SUGT1: variants seen among roughly 807,000 people sequenced by gnomAD.
SUGT1 encodes the protein SGT1 assembly cochaperone of MIS12 kinetochore complex.
In SUGT1, 15 loss-of-function variants were observed where a neutral mutation model predicts 56.1. That is an observed-to-expected ratio of 0.27 (90% CI 0.18 to 0.41). The LOEUF is 0.41. Among genes scored for constraint, SUGT1 ranks in the 10% least tolerant of loss-of-function variants. The probability of loss-of-function intolerance (pLI) is 1.00; values close to 1 mark genes in which losing one functional copy is unlikely to be tolerated. For synonymous variants in SUGT1, 123 were observed against 128.6 expected (o/e 0.96, Z 0.30); for missense variants, 347 against 382.2 (o/e 0.91, Z 0.77).
chr13:52,659,833 T>A (rs867596665), intron 5 of SUGT1, among the ~76,000 whole-genome samples: 19,006 of 88,048 alleles, frequency 0.22, 1,772 homozygotes, highest in African/African-American at 0.24. Flanking sequence ...TTTTTTTTTT[T>A]TTTTTTTTTT....
At chr13:52,674,665 T>C (rs935770857) in intron 10 of SUGT1, among the ~76,000 whole-genome samples, 3 of 152,186 alleles carry the variant, frequency 2.0e-5, no homozygotes, top group Non-Finnish European at 4.4e-5. Context: ...AAGTCTGCCT[T>C]TTGATTTTTT....
rs991641076 is a variant in SUGT1, at chr13:52,690,003, C to T, written c.*2168C>T. On this transcript the variant is annotated 3_prime_UTR_variant, in exon 13 of 13. Coordinates refer to ENST00000310528, the MANE Select transcript of SUGT1 (RefSeq NM_006704.5). ...TTAAAAAAAAAAAATCTGGTACTAT[C>T]TTTAGTTGGTTTTAAAGGATATATT... 1.3e-5 allele frequency: 2 copies of T among 151,746 alleles called. 1 individual carries two copies. Among genetic ancestry groups the T allele is most frequent in the East Asian group, 3.9e-4 (2 of 5,186 alleles). The allele number at this position is 151,746 out of a possible 1,614,324, so 9.4% of individuals were successfully genotyped here.
rs1031124398 is a variant in SUGT1, at chr13:52,692,391, ATT to A, written c.*4557_*4558del. The A allele has an allele frequency of 5.4e-5, 8 of 149,022 alleles. No individual in the cohort carries two copies. The highest frequency in any genetic ancestry group is 4.8e-4 in the Admixed American group (7 of 14,522). 9.2% of individuals were successfully genotyped at this position (149,022 alleles called of 1,614,324 possible). ...GCTGACTGGAAATGAAGCAGAGAATATTCAAGTTAAAGAACTAATTCTTTTTT... is the reference window on the plus strand; with the variant it reads ...GCTGACTGGAAATGAAGCAGAGAATACAAGTTAAAGAACTAATTCTTTTTT... On this transcript the variant is annotated 3_prime_UTR_variant, in exon 13 of 13. Coordinates refer to ENST00000310528, the MANE Select transcript of SUGT1 (RefSeq NM_006704.5).
chr13:52,680,190 G>A (rs199585023), intron 12 of SUGT1, 35 bp downstream of exon 12: 1 of 1,518,280 alleles, frequency 6.6e-7, no homozygotes, highest in East Asian at 2.5e-5. Flanking sequence ...ATATATGGGA[G>A]CAAATTTTAC....
Position 52,679,957 on chromosome 13 carries a change from C to CT in SUGT1, c.719-10dup, listed in dbSNP as rs768578715. The CT allele has an allele frequency of 2.9e-5, 46 of 1,565,750 alleles. 1 individual carries two copies. The African/African-American group carries it at 4.5e-4, about 15-fold the overall frequency. On this transcript the variant is annotated splice_polypyrimidine_tract_variant and intron_variant, in intron 11 of 12. Coordinates refer to ENST00000310528, the MANE Select transcript of SUGT1 (RefSeq NM_006704.5). ...AAACATGTTGATTAATTACTTCTGCCTTTTTTTACTTCATAGATGTAAAGA... is the reference window on the plus strand; with the variant it reads ...AAACATGTTGATTAATTACTTCTGCCTTTTTTTTACTTCATAGATGTAAAGA...
chr13:52,654,998 T>A (rs1305979528), intron 2 of SUGT1, among the ~76,000 whole-genome samples: 1 of 152,242 alleles, frequency 6.6e-6, no homozygotes, highest in Non-Finnish European at 1.5e-5. Context: ...TATTAGTACC[T>A]TGGTTTTTAA....
chr13:52,653,017 C>G lies in SUGT1; in HGVS notation c.39-29C>G, dbSNP rs775500935. On this transcript the variant is annotated intron_variant, in intron 1 of 12. Transcript: ENST00000310528. Reference sequence around the variant, plus strand: ...TATCCCCCTTTCCTTGGCTAGTGAGCCCTGCTGAAGTCGTTGTTTTCCTGA... The same window carrying G: ...TATCCCCCTTTCCTTGGCTAGTGAGGCCTGCTGAAGTCGTTGTTTTCCTGA... 6 of 1,614,056 alleles carry G rather than the reference C, an allele frequency of 3.7e-6. No individual in the cohort carries two copies. In the African/African-American group the frequency reaches 6.7e-5, roughly 18 times the overall value.
In SUGT1 at chr13:52,699,575, AGTAAC is replaced by A. The variant is rs995273935; in HGVS notation, c.*11741_*11745del. ...CTGCTTAATTTTTTGGAGTTACCTC[AGTAAC>A]TTAACAGGCAGGAATATGGTTTTAA... On this transcript the variant is annotated 3_prime_UTR_variant, in exon 13 of 13. Coordinates refer to ENST00000310528, the MANE Select transcript of SUGT1 (RefSeq NM_006704.5). 2.0e-5 allele frequency: 3 copies of A among 152,222 alleles called. No individual in the cohort carries two copies. The highest frequency in any genetic ancestry group is 2.9e-5 in the Non-Finnish European group (2 of 68,032). The allele number at this position is 152,222 out of a possible 1,614,324, so 9.4% of individuals were successfully genotyped here. A position where few individuals can be genotyped will look rare whatever the true frequency, so the allele number is the denominator to read the frequency against.
At chr13:52,678,275 T>C (rs1223272898) in intron 11 of SUGT1, among the ~76,000 whole-genome samples, 3 of 152,150 alleles carry the variant, frequency 2.0e-5, no homozygotes, top group African/African-American at 4.8e-5. Flanking sequence ...AACAATATAT[T>C]TGGCCCTGAA....
Position 52,688,422 on chromosome 13 carries a change from C to G in SUGT1, c.*587C>G, listed in dbSNP as rs1010464970. 2 of 152,120 alleles carry G rather than the reference C, an allele frequency of 1.3e-5. No individual in the cohort carries two copies. Among genetic ancestry groups the G allele is most frequent in the East Asian group, 3.9e-4 (2 of 5,192 alleles). The allele number at this position is 152,120 out of a possible 1,614,324, so 9.4% of individuals were successfully genotyped here. On this transcript the variant is annotated 3_prime_UTR_variant, in exon 13 of 13. Coordinates refer to ENST00000310528, the MANE Select transcript of SUGT1 (RefSeq NM_006704.5). ...TTTAATTGCACTGAGATATTTTGGT[C>G]GTTACCTTGCAAGTTTCTGTATAAA...
intron 7 of SUGT1, 128 bp downstream of exon 7, chr13:52,663,240 T>G: frequency 1.1e-6 from 1 of 880,662 alleles, no homozygotes; most frequent in Non-Finnish European, 1.7e-6. Context: ...TAAGTGCTGG[T>G]TCCTCTAGGC....
intron 5 of SUGT1, 27 bp from the exon 6 acceptor site, chr13:52,662,622 A>T: frequency 6.2e-7 from 1 of 1,611,946 alleles, no homozygotes; most frequent in Non-Finnish European, 8.5e-7. Context: ...CAGATGAGTG[A>T]TGTTATAGTC....
chr13:52,684,490 C>A (rs1255645912), intron 12 of SUGT1, among the ~76,000 whole-genome samples: 2 of 144,632 alleles, frequency 1.4e-5, no homozygotes, highest in Non-Finnish European at 3.0e-5. Context: ...GCATTTTGTT[C>A]TTACTTTTCT....
At position 52,694,656 on chromosome 13, in the gene SUGT1, A is replaced by G. The variant is rs1356652729; in HGVS notation, c.*6821A>G. ...AACCACAGATTGTCTTGTTATTCCC[A>G]TCAGTGAAAAGAAGCTGATATTTGT... On this transcript the variant is annotated 3_prime_UTR_variant, in exon 13 of 13. Coordinates refer to ENST00000310528, the MANE Select transcript of SUGT1 (RefSeq NM_006704.5). 6.6e-6 allele frequency: 1 copy of G among 152,218 alleles called. No individual in the cohort carries two copies. Among genetic ancestry groups the G allele is most frequent in the African/African-American group, 2.4e-5 (1 of 41,450 alleles). The allele number at this position is 152,218 out of a possible 1,614,324, so 9.4% of individuals were successfully genotyped here. A position where few individuals can be genotyped will look rare whatever the true frequency, so the allele number is the denominator to read the frequency against.
chr13:52,687,800 A>C lies in SUGT1; in HGVS notation c.967A>C (p.Asn323His). 6.2e-7 allele frequency: 1 copy of C among 1,602,980 alleles called. No individual in the cohort carries two copies. The highest frequency in any genetic ancestry group is 8.5e-7 in the Non-Finnish European group (1 of 1,175,546). ...SDVGKRKVEI[N>H]PPDDMEWKKY is the part of the protein sequence containing the mutation. Reference sequence around the variant, plus strand: ...TGTAGGTAAAAGGAAAGTTGAAATCAATCCTCCTGATGATATGGAATGGAA... The same window carrying C: ...TGTAGGTAAAAGGAAAGTTGAAATCCATCCTCCTGATGATATGGAATGGAA... The change falls in exon 13 of 13, where the codon AAT becomes CAT. Residue 323 changes from asparagine to histidine, a missense_variant. Coordinates refer to ENST00000310528, the MANE Select transcript of SUGT1 (RefSeq NM_006704.5).
chr13:52,686,333 TA>T (rs1169069507), intron 12 of SUGT1, among the ~76,000 whole-genome samples: 6 of 152,218 alleles, frequency 3.9e-5, no homozygotes, highest in African/African-American at 1.4e-4. Context: ...TGAATATTAG[TA>T]AAATGTACTC....
At chr13:52,658,738 CTT>C (rs59712858) in intron 4 of SUGT1, among the ~76,000 whole-genome samples, 113,512 of 127,890 alleles carry the variant, frequency 0.89, 50,036 homozygotes, top group East Asian at 0.95. Flanking sequence ...TTTCACATTG[CTT>C]TTTTTTTTTT....
Position 52,692,986 on chromosome 13 carries a change from G to A in SUGT1, c.*5151G>A, listed in dbSNP as rs1452542323. 3.9e-5 allele frequency: 6 copies of A among 152,066 alleles called. No homozygotes were observed. The highest frequency in any genetic ancestry group is 7.4e-5 in the Non-Finnish European group (5 of 68,014). The allele number at this position is 152,066 out of a possible 1,614,324, so 9.4% of individuals were successfully genotyped here. On this transcript the variant is annotated 3_prime_UTR_variant, in exon 13 of 13. Transcript: ENST00000310528. ...ACTTGGGAGCTCTCATACCAGTTCC[G>A]TTGTACAAATGCTGAGATTGTTTCA...
chr13:52,688,405 C>T lies in SUGT1; in HGVS notation c.*570C>T, dbSNP rs1594262506. The T allele has an allele frequency of 6.6e-6, 1 of 152,166 alleles. No individual in the cohort carries two copies. The highest frequency in any genetic ancestry group is 2.4e-5 in the African/African-American group (1 of 41,442). 9.4% of individuals were successfully genotyped at this position (152,166 alleles called of 1,614,324 possible). A position where few individuals can be genotyped will look rare whatever the true frequency, so the allele number is the denominator to read the frequency against. On this transcript the variant is annotated 3_prime_UTR_variant, in exon 13 of 13. Coordinates refer to ENST00000310528, the MANE Select transcript of SUGT1 (RefSeq NM_006704.5). ...TGGGAAGAATTTGTAAATTTAATTG[C>T]ACTGAGATATTTTGGTCGTTACCTT...
Sources: allele counts gnomAD v4.1 joint callset (sites outside exome capture counted in the v4.1 genomes callset), GRCh38; gene constraint gnomAD v4.1.1; transcripts MANE v1.5; gene names NCBI Gene and HGNC (gene_info 2026-07-23, HGNC 2026-07-21).